Variants in NRXN1 observed in about 807,000 individuals in gnomAD.
NRXN1 encodes neurexin 1.
NRXN1 carries 39 observed loss-of-function variants against 150.9 expected under a neutral mutation model. The observed-to-expected ratio is 0.26, with a 90% CI of 0.20 to 0.34. The LOEUF is 0.34. Among genes scored for constraint, NRXN1 ranks in the 10% least tolerant of loss-of-function variants. NRXN1 has a pLI of 1.00. For synonymous variants in NRXN1, 924 were observed against 757.0 expected (o/e 1.22, Z -3.62); for missense variants, 1,815 against 1,949.9 (o/e 0.93, Z 1.30).
chr2:50,047,903 G>GTGAA (rs1246865557), intron 21 of NRXN1, among the ~76,000 whole-genome samples: 1 of 152,138 alleles, frequency 6.6e-6, no homozygotes, highest in Non-Finnish European at 1.5e-5. Context: ...ACTTGGTTAA[G>GTGAA]TGAATGAATG....
chr2:50,262,033 C>A (rs2068342360), intron 17 of NRXN1, among the ~76,000 whole-genome samples: 1 of 151,884 alleles, frequency 6.6e-6, no homozygotes, highest in South Asian at 2.1e-4. Context: ...CCGGCGTTAA[C>A]CTTGAACTTG....
intron 21 of NRXN1, among the ~76,000 whole-genome samples, chr2:49,948,331 T>C (rs1673320000): frequency 1.3e-5 from 2 of 152,014 alleles, no homozygotes; most frequent in Admixed American, 1.3e-4. Context: ...AAAACACAAT[T>C]CCTAAAATAA....
intron 17 of NRXN1, among the ~76,000 whole-genome samples, chr2:50,324,445 G>A (rs7587736): frequency 0.12 from 18,841 of 152,262 alleles, 1,290 homozygotes; most frequent in African/African-American, 0.15. Context: ...TCACTTGCAG[G>A]AACTTCTATC....
intron 5 of NRXN1, among the ~76,000 whole-genome samples, chr2:50,676,595 A>G (rs1222991042): frequency 6.6e-6 from 1 of 152,202 alleles, no homozygotes. Flanking sequence ...GATAATACAT[A>G]CAAACTGCTT....
In NRXN1 at chr2:50,697,626, GC is replaced by G. The variant is rs377304677; in HGVS notation, c.833-74012del. On this transcript the variant is annotated intron_variant, in intron 5 of 22. Coordinates refer to ENST00000401669, the MANE Select transcript of NRXN1 (RefSeq NM_001330078.2). ...TCTCTCCCTTCCTTGCTCTTCTGTA[GC>G]CCATGCTTCACTTCTCAACTATGGT... 3.1e-4 allele frequency among the ~76,000 whole-genome samples: 47 copies of G among 152,230 alleles called. 1 individual carries two copies. The East Asian group carries it at 4.4e-3, about 14-fold the overall frequency.
chr2:50,347,646 G>A lies in NRXN1; in HGVS notation c.3365-110676C>T. The A allele has an allele frequency of 1.0e-6, 1 of 991,226 alleles. No individual in the cohort carries two copies. Among genetic ancestry groups the A allele is most frequent in the Non-Finnish European group, 1.2e-6 (1 of 833,538 alleles). 61.4% of individuals were successfully genotyped at this position (991,226 alleles called of 1,614,324 possible). A position where few individuals can be genotyped will look rare whatever the true frequency, so the allele number is the denominator to read the frequency against. On this transcript the variant is annotated intron_variant, in intron 17 of 22. Transcript: ENST00000401669. The surrounding 1 kb of genome is among the most constrained non-coding windows in gnomAD (Gnocchi z 4.9). ...CGGCGAGGGGTTCAGAGGGAAGAGT[G>A]CGCCCTTCTGAAGGAAGTGGGAATC...
intron 5 of NRXN1, among the ~76,000 whole-genome samples, chr2:50,727,626 G>A (rs921143958): frequency 1.1e-4 from 17 of 151,696 alleles, no homozygotes; most frequent in Non-Finnish European, 1.9e-4. Context: ...TCAAGTACAG[G>A]GTACACATAT....
intron 15 of NRXN1, among the ~76,000 whole-genome samples, chr2:50,483,289 T>A (rs2090615952): frequency 6.6e-6 from 1 of 152,028 alleles, no homozygotes; most frequent in Non-Finnish European, 1.5e-5. Context: ...TCCCACTCAT[T>A]TTCTGGAAAA....
intron 18 of NRXN1, among the ~76,000 whole-genome samples, chr2:50,204,068 C>A (rs1307424742): frequency 6.6e-6 from 1 of 152,032 alleles, no homozygotes; most frequent in East Asian, 1.9e-4. Context: ...TAAAATGAAC[C>A]TAAAATAAAC....
intron 5 of NRXN1, among the ~76,000 whole-genome samples, chr2:50,914,740 G>A (rs1684979862): frequency 6.6e-6 from 1 of 151,340 alleles, no homozygotes; most frequent in African/African-American, 2.4e-5. Flanking sequence ...TTACCTTGGA[G>A]CAAAAAGGAA....
At chr2:50,650,110 T>C (rs2104549590) in intron 5 of NRXN1, among the ~76,000 whole-genome samples, 1 of 152,192 alleles carries the variant, frequency 6.6e-6, no homozygotes, top group Non-Finnish European at 1.5e-5. Context: ...GGTTTGCAGA[T>C]GCCATAGAAA....
intron 9 of NRXN1, among the ~76,000 whole-genome samples, chr2:50,541,613 T>C (rs2093390599): frequency 6.6e-6 from 1 of 152,132 alleles, no homozygotes; most frequent in Admixed American, 6.5e-5. Context: ...ACTACAAATT[T>C]ATCATTAGAC....
chr2:50,270,195 G>A (rs1376356434), intron 17 of NRXN1, among the ~76,000 whole-genome samples: 1 of 152,058 alleles, frequency 6.6e-6, no homozygotes, highest in Non-Finnish European at 1.5e-5. Context: ...AAGATTAGGG[G>A]TTAAATAAAA....
intron 5 of NRXN1, among the ~76,000 whole-genome samples, chr2:50,705,423 T>C (rs1694301359): frequency 6.6e-6 from 1 of 152,134 alleles, no homozygotes. Flanking sequence ...AAGTTAAATG[T>C]GATAATCCAC....
intron 5 of NRXN1, among the ~76,000 whole-genome samples, chr2:50,796,907 A>G (rs1457085984): frequency 6.6e-6 from 1 of 152,184 alleles, no homozygotes; most frequent in Non-Finnish European, 1.5e-5. Flanking sequence ...AGGCACCAGC[A>G]AAGTTTGGGG....
At chr2:50,682,830 T>C in intron 5 of NRXN1, among the ~76,000 whole-genome samples, 1 of 152,298 alleles carries the variant, frequency 6.6e-6, no homozygotes, top group Middle Eastern at 3.4e-3. Flanking sequence ...ATAGCTTATA[T>C]ATACATTCTT....
At chr2:50,227,027 A>G (rs1204991914) in intron 18 of NRXN1, among the ~76,000 whole-genome samples, 1 of 151,956 alleles carries the variant, frequency 6.6e-6, no homozygotes, top group Non-Finnish European at 1.5e-5. Flanking sequence ...TGCTTTCATG[A>G]CACTTGCTGC....
chr2:49,993,314 G>A (rs1682340829), intron 21 of NRXN1, among the ~76,000 whole-genome samples: 1 of 152,090 alleles, frequency 6.6e-6, no homozygotes. Flanking sequence ...ATATAAAAAG[G>A]CAATAATATG....
intron 5 of NRXN1, among the ~76,000 whole-genome samples, chr2:50,733,504 A>G (rs1336298988): frequency 6.6e-6 from 1 of 152,186 alleles, no homozygotes; most frequent in Non-Finnish European, 1.5e-5. Context: ...TAAATAATTT[A>G]GTTATCTCTG....
Sources: allele counts gnomAD v4.1 joint callset (sites outside exome capture counted in the v4.1 genomes callset), GRCh38; gene constraint gnomAD v4.1.1; non-coding constraint Gnocchi (gnomAD v3.1); transcripts MANE v1.5; gene names NCBI Gene and HGNC (gene_info 2026-07-23, HGNC 2026-07-21).